Variants in PARD3B observed in about 807,000 individuals in gnomAD.
The protein encoded by PARD3B is partitioning defective 3 homolog B.
A neutral mutation model predicts 130.2 loss-of-function variants in PARD3B; 103 were observed. The ratio of observed to expected loss-of-function variants is 0.79; its 90% confidence interval spans 0.67 to 0.93. PARD3B has a LOEUF of 0.93. PARD3B is among the 40% of genes least tolerant of loss of function. The probability of loss-of-function intolerance (pLI) is 0.00; values close to 1 mark genes in which losing one functional copy is unlikely to be tolerated. For synonymous variants in PARD3B, 583 were observed against 553.2 expected (o/e 1.05, Z -0.76); for missense variants, 1,609 against 1,499.2 (o/e 1.07, Z -1.21).
intron 20 of PARD3B, among the ~76,000 whole-genome samples, chr2:205,453,528 A>G (rs972943710): frequency 1.3e-5 from 2 of 152,180 alleles, no homozygotes; most frequent in East Asian, 1.9e-4. Context: ...GTAGGAATCT[A>G]TTTCACCGAT....
At chr2:205,443,056 C>G (rs148797410) in intron 20 of PARD3B, among the ~76,000 whole-genome samples, 2 of 152,288 alleles carry the variant, frequency 1.3e-5, no homozygotes, top group African/African-American at 4.8e-5. Flanking sequence ...CTGCCCTGCT[C>G]CTTGTTCTTC....
intron 18 of PARD3B, among the ~76,000 whole-genome samples, chr2:205,326,161 C>T (rs1206193028): frequency 1.3e-5 from 2 of 152,102 alleles, no homozygotes; most frequent in Non-Finnish European, 2.9e-5. Flanking sequence ...TTTATTATAC[C>T]TCCTATTAGA....
chr2:205,334,217 C>T (rs887378694), intron 18 of PARD3B, among the ~76,000 whole-genome samples: 11 of 152,160 alleles, frequency 7.2e-5, no homozygotes, highest in East Asian at 1.9e-4. Context: ...TGCATGTGCT[C>T]GTGCATGTGT....
intron 2 of PARD3B, among the ~76,000 whole-genome samples, chr2:204,794,622 G>A (rs2042308227): frequency 6.6e-6 from 1 of 152,202 alleles, no homozygotes; most frequent in African/African-American, 2.4e-5. Flanking sequence ...ACAGATAACA[G>A]TAACATGTAG....
chr2:205,039,073 T>G (rs1215333002), intron 3 of PARD3B, among the ~76,000 whole-genome samples: 1 of 141,762 alleles, frequency 7.1e-6, no homozygotes, highest in East Asian at 2.0e-4. Flanking sequence ...TCATTACCAG[T>G]TTTTTTTTTT....
rs894536865 is a variant in PARD3B, at chr2:204,678,719, G to A, written c.121-7462G>A. On this transcript the variant is annotated intron_variant, in intron 1 of 22. Coordinates refer to ENST00000406610, the MANE Select transcript of PARD3B (RefSeq NM_001302769.2). This position sits in a 1 kb window ranked among gnomAD's most constrained non-coding sequence, Gnocchi z 4.2. ...GTCTCTCTGCCAGCTGAGCTCTGAG[G>A]TTTATAGGAGCACGAGATACGGAGG... Among the ~76,000 whole-genome samples the A allele has an allele frequency of 1.3e-5, 2 of 152,092 alleles. No individual in the cohort carries two copies. Among genetic ancestry groups the A allele is most frequent in the Non-Finnish European group, 2.9e-5 (2 of 68,014 alleles).
rs374090206 is a variant in PARD3B at position 205,113,545 on chromosome 2, T to C, written c.648T>C (p.His216=). Residue 216 remains histidine (H), a synonymous_variant, in exon 6 of 23, where the codon CAT becomes CAC. Coordinates refer to ENST00000406610, the MANE Select transcript of PARD3B (RefSeq NM_001302769.2). ...ISGEGGPLGI[H]VVPFFSSLSG... The stretch of plus-strand genomic sequence containing the variant: ...GGGAAGGAGGCCCATTGGGAATACA[T>C]GTAGTGCCCTTCTTTTCATCTCTGA... The C allele has an allele frequency of 4.7e-5, 76 of 1,613,132 alleles. No homozygotes were observed. Among genetic ancestry groups the C allele is most frequent in the Non-Finnish European group, 6.2e-5 (73 of 1,179,448 alleles).
rs752059602 is a variant in PARD3B at position 205,245,806 on chromosome 2, G to A, written c.2169G>A (p.Leu723=). 1.9e-6 allele frequency: 3 copies of A among 1,600,464 alleles called. No individual in the cohort carries two copies. Among genetic ancestry groups the A allele is most frequent in the Non-Finnish European group, 8.6e-7 (1 of 1,168,040 alleles). ...CAGATGAAAGCAAGGTTCACTCATT[G>A]GCTGGACAAAAATCGGGTAAGAAAT... ...LVPDESKVHS[L]AGQKSESPSK... Residue 723 remains leucine, a synonymous_variant, in exon 16 of 23, where the codon TTG becomes TTA. Coordinates refer to ENST00000406610, the MANE Select transcript of PARD3B (RefSeq NM_001302769.2).
chr2:204,736,281 A>G (rs2039745822), intron 2 of PARD3B, among the ~76,000 whole-genome samples: 1 of 151,990 alleles, frequency 6.6e-6, no homozygotes, highest in Non-Finnish European at 1.5e-5. Context: ...TTAAATTCAT[A>G]TTTTCATTTC....
intron 2 of PARD3B, among the ~76,000 whole-genome samples, chr2:204,828,650 A>G (rs2043684488): frequency 6.6e-6 from 1 of 152,168 alleles, no homozygotes; most frequent in African/African-American, 2.4e-5. Flanking sequence ...CCCCTGGTTT[A>G]TCTCCAAAAT....
intron 1 of PARD3B, among the ~76,000 whole-genome samples, chr2:204,548,999 G>T (rs1336763013): frequency 6.6e-6 from 1 of 152,210 alleles, no homozygotes; most frequent in Non-Finnish European, 1.5e-5. Context: ...AGTTTGGAAA[G>T]TAAGTGAAGT....
chr2:205,172,514 T>C, intron 12 of PARD3B, 133 bp downstream of exon 12: 1 of 895,124 alleles, frequency 1.1e-6, no homozygotes, highest in Non-Finnish European at 1.7e-6. Flanking sequence ...GGGAAACAGG[T>C]GGTTGTGTAT....
At chr2:205,081,348 C>T (rs1441680770) in intron 4 of PARD3B, among the ~76,000 whole-genome samples, 1 of 151,876 alleles carries the variant, frequency 6.6e-6, no homozygotes, top group Non-Finnish European at 1.5e-5. Flanking sequence ...ATACATAGTT[C>T]ACTCAGCACC....
At chr2:205,199,997 C>T (rs939339372) in intron 15 of PARD3B, among the ~76,000 whole-genome samples, 1 of 152,054 alleles carries the variant, frequency 6.6e-6, no homozygotes, top group African/African-American at 2.4e-5. Flanking sequence ...GTGGTGGTCA[C>T]CAGCAATCTC....
intron 15 of PARD3B, among the ~76,000 whole-genome samples, chr2:205,193,656 T>C (rs1484181734): frequency 6.6e-6 from 1 of 152,232 alleles, no homozygotes; most frequent in Non-Finnish European, 1.5e-5. Context: ...CCCTCGCTTC[T>C]GCCAGGGCAT....
At chr2:205,056,211 T>TC (rs1450669765) in intron 4 of PARD3B, among the ~76,000 whole-genome samples, 1 of 152,002 alleles carries the variant, frequency 6.6e-6, no homozygotes, top group East Asian at 1.9e-4. Context: ...AGGGGACGTT[T>TC]TTTTTTTTAT....
intron 2 of PARD3B, among the ~76,000 whole-genome samples, chr2:204,792,931 C>T (rs1418714341): frequency 6.6e-6 from 1 of 151,738 alleles, no homozygotes; most frequent in Admixed American, 6.6e-5. Flanking sequence ...CCGTTCATCA[C>T]CTGAATCTTT....
chr2:205,156,014 A>G (rs913160468), intron 10 of PARD3B, among the ~76,000 whole-genome samples: 1 of 152,140 alleles, frequency 6.6e-6, no homozygotes, highest in Non-Finnish European at 1.5e-5. Context: ...AACCAACCCA[A>G]ATGTCCAACA....
intron 2 of PARD3B, among the ~76,000 whole-genome samples, chr2:204,916,859 G>T (rs1460821414): frequency 6.6e-6 from 1 of 152,084 alleles, no homozygotes; most frequent in East Asian, 1.9e-4. Context: ...TTAAATTTCA[G>T]ATTCTTCATT....
Sources: allele counts gnomAD v4.1 joint callset (sites outside exome capture counted in the v4.1 genomes callset), GRCh38; gene constraint gnomAD v4.1.1; non-coding constraint Gnocchi (gnomAD v3.1); transcripts MANE v1.5; gene names NCBI Gene and HGNC (gene_info 2026-07-23, HGNC 2026-07-21).